The following CSMD1 variants were observed in gnomAD, a reference collection of about 807,000 sequenced individuals.
CSMD1 encodes the protein CUB and sushi domain-containing protein 1.
CSMD1 carries 213 observed loss-of-function variants against 417.5 expected under a neutral mutation model. The observed-to-expected ratio is 0.51, with a 90% CI of 0.46 to 0.57. The LOEUF (loss-of-function observed/expected upper bound fraction) is 0.57, where lower values mean the gene tolerates loss of function less well. Among genes scored for constraint, CSMD1 ranks in the 20% least tolerant of loss-of-function variants. The pLI is 0.00. For missense variants in CSMD1, 6,923 were observed against 4,529.7 expected, an observed-to-expected ratio of 1.53 and a Z score of -15.17; for synonymous variants, 2,862 against 1,736.8, an observed-to-expected ratio of 1.65 and a Z score of -16.11.
intron 2 of CSMD1, among the ~76,000 whole-genome samples, chr8:4,436,318 A>G (rs1259447385): frequency 2.0e-5 from 3 of 152,176 alleles, no homozygotes; most frequent in Non-Finnish European, 2.9e-5. Flanking sequence ...TTTTGTCACT[A>G]TAAAAGGATA....
intron 2 of CSMD1, among the ~76,000 whole-genome samples, chr8:4,428,132 C>T (rs545380020): frequency 1.3e-5 from 2 of 152,316 alleles, no homozygotes; most frequent in South Asian, 2.1e-4. Context: ...TTTTCCTCCT[C>T]TCCAAAGCAC....
chr8:3,968,318 G>A (rs1424788377), intron 5 of CSMD1, among the ~76,000 whole-genome samples: 4 of 152,094 alleles, frequency 2.6e-5, no homozygotes, highest in Admixed American at 6.5e-5. Context: ...CATGAGTATT[G>A]CCTGGACAGA....
rs183745927 is a variant in CSMD1, at chr8:4,172,136, A to G, written c.416-140037T>C. Among the ~76,000 whole-genome samples the G allele has an allele frequency of 1.3e-3, 203 of 152,314 alleles. 5 individuals carry two copies. The highest frequency in any genetic ancestry group is 4.7e-3 in the African/African-American group (194 of 41,558). ...CATTTCAGTAGGTGCATGACTACCT[A>G]AAATTTGAAAAGATGGACCTAAGAG... On this transcript the variant is annotated intron_variant, in intron 3 of 69. Transcript: ENST00000635120.
chr8:4,304,414 A>G (rs1419489182), intron 3 of CSMD1, among the ~76,000 whole-genome samples: 2 of 152,174 alleles, frequency 1.3e-5, no homozygotes, highest in East Asian at 1.9e-4. Context: ...TCTAAGAGCG[A>G]CAGAAGGTGA....
chr8:4,379,561 T>G (rs1802969018), intron 3 of CSMD1, among the ~76,000 whole-genome samples: 1 of 152,236 alleles, frequency 6.6e-6, no homozygotes, highest in African/African-American at 2.4e-5. Context: ...TTTGCAATTT[T>G]GTGGTGTCTA....
chr8:4,431,228 T>G (rs1395404711), intron 2 of CSMD1, among the ~76,000 whole-genome samples: 1 of 152,040 alleles, frequency 6.6e-6, no homozygotes, highest in African/African-American at 2.4e-5. Context: ...CTCAACAACA[T>G]TAAAAAAATA....
chr8:4,950,053 C>G (rs1808637213), intron 1 of CSMD1, among the ~76,000 whole-genome samples: 1 of 151,868 alleles, frequency 6.6e-6, no homozygotes, highest in South Asian at 2.1e-4. Flanking sequence ...CAGGGAAGAA[C>G]CTAGAAATAA....
At chr8:4,203,134 T>G (rs533922420) in intron 3 of CSMD1, among the ~76,000 whole-genome samples, 1 of 152,308 alleles carries the variant, frequency 6.6e-6, no homozygotes, top group South Asian at 2.1e-4. Flanking sequence ...TCTTAAAAGC[T>G]GAAAACCTTT....
At chr8:3,523,727 ACACT>A (rs535601905) in intron 10 of CSMD1, among the ~76,000 whole-genome samples, 383 of 151,906 alleles carry the variant, frequency 2.5e-3, no homozygotes, top group Admixed American at 3.7e-3. Context: ...ATATGCATGC[ACACT>A]CAGAGACACA....
chr8:3,872,162 G>T (rs567436111), intron 5 of CSMD1, among the ~76,000 whole-genome samples: 2 of 152,108 alleles, frequency 1.3e-5, no homozygotes, highest in East Asian at 3.9e-4. Context: ...ACCCGTGTTT[G>T]GATCCTCAGT....
chr8:3,926,102 C>CACACAAACACCAT (rs1563218275), intron 5 of CSMD1, among the ~76,000 whole-genome samples: 12 of 52,094 alleles, frequency 2.3e-4, no homozygotes, highest in African/African-American at 7.3e-4. Flanking sequence ...CACACACACA[C>CACACAAACACCAT]ACACACACAC....
chr8:4,014,472 T>C (rs987062720), intron 4 of CSMD1, among the ~76,000 whole-genome samples: 5 of 152,224 alleles, frequency 3.3e-5, no homozygotes, highest in African/African-American at 9.7e-5. Flanking sequence ...AGAAGCTTTT[T>C]AGACATTGAG....
At chr8:4,615,063 G>C (rs1457411619) in intron 2 of CSMD1, among the ~76,000 whole-genome samples, 1 of 152,032 alleles carries the variant, frequency 6.6e-6, no homozygotes, top group African/African-American at 2.4e-5. Context: ...CTTCCTATTT[G>C]TCTCAGATCT....
intron 33 of CSMD1, among the ~76,000 whole-genome samples, chr8:3,191,534 G>A (rs571665648): frequency 6.6e-6 from 1 of 152,136 alleles, no homozygotes; most frequent in Admixed American, 6.5e-5. Context: ...TAAAATGGGA[G>A]GCCTTCATTG....
chr8:3,117,272 C>T (rs1189667602), intron 42 of CSMD1, among the ~76,000 whole-genome samples: 3 of 152,116 alleles, frequency 2.0e-5, no homozygotes, highest in Non-Finnish European at 4.4e-5. Flanking sequence ...GGTGTTTCAC[C>T]GTGTTAGCCA....
At chr8:3,367,749 T>A (rs576110113) in intron 19 of CSMD1, among the ~76,000 whole-genome samples, 6 of 152,142 alleles carry the variant, frequency 3.9e-5, no homozygotes, top group African/African-American at 1.2e-4. Flanking sequence ...ATGGAGATTA[T>A]AGATGTAGTT....
chr8:4,088,993 A>G (rs1052483656), intron 3 of CSMD1, among the ~76,000 whole-genome samples: 19 of 152,344 alleles, frequency 1.2e-4, no homozygotes, highest in Non-Finnish European at 2.5e-4. Context: ...CCCTTGGTGC[A>G]TACAGATCCC....
rs1033035873 is a variant in CSMD1, at chr8:4,191,731, G to C, written c.416-159632C>G. Among the ~76,000 whole-genome samples, 12 of 128,152 alleles carry C rather than the reference G, an allele frequency of 9.4e-5. No individual in the cohort carries two copies. In the Admixed American group the frequency reaches 1.1e-3, roughly 12 times the overall value. The allele number at this position is 128,152 out of a possible 152,430, so 84.1% of individuals were successfully genotyped here. On this transcript the variant is annotated intron_variant, in intron 3 of 69. Transcript: ENST00000635120. Reference sequence around the variant, plus strand: ...ATATACTCTCCTTCCACTGAAAAAAGGGAAGGTCATTCCAAAAAAAAAAAA... The same window carrying C: ...ATATACTCTCCTTCCACTGAAAAAACGGAAGGTCATTCCAAAAAAAAAAAA...
At chr8:3,956,809 C>A (rs1046965094) in intron 5 of CSMD1, among the ~76,000 whole-genome samples, 8 of 152,134 alleles carry the variant, frequency 5.3e-5, no homozygotes, top group Admixed American at 2.6e-4. Flanking sequence ...GAAGGACACC[C>A]AGCCGTTACG....
Sources: allele counts gnomAD v4.1 joint callset (sites outside exome capture counted in the v4.1 genomes callset), GRCh38; gene constraint gnomAD v4.1.1; transcripts MANE v1.5; gene names NCBI Gene and HGNC (gene_info 2026-07-23, HGNC 2026-07-21).